The following NUDCD3 variants were observed in gnomAD, a reference collection of about 807,000 sequenced individuals.
NUDCD3 encodes the protein NudC domain containing 3.
A neutral mutation model predicts 39.7 loss-of-function variants in NUDCD3; 13 were observed. The ratio of observed to expected loss-of-function variants is 0.33; its 90% CI spans 0.21 to 0.52. The LOEUF is 0.52. NUDCD3 is among the 20% of genes least tolerant of loss of function. NUDCD3 has a pLI of 0.96. For synonymous variants in NUDCD3, 175 were observed against 172.4 expected (o/e 1.02, Z -0.12); for missense variants, 453 against 458.1 (o/e 0.99, Z 0.10).
intron 3 of NUDCD3, among the ~76,000 whole-genome samples, chr7:44,414,218 G>C (rs867930634): frequency 6.6e-6 from 1 of 152,138 alleles, no homozygotes; most frequent in Non-Finnish European, 1.5e-5. Flanking sequence ...TTAACAAGAG[G>C]GTGGTTTAAT....
intron 3 of NUDCD3, among the ~76,000 whole-genome samples, chr7:44,425,158 G>T (rs2116898521): frequency 6.6e-6 from 1 of 152,240 alleles, no homozygotes. Flanking sequence ...CGGGGGAAAG[G>T]GGAGGGAGAG....
chr7:44,480,466 T>C (rs1437920946), intron 2 of NUDCD3, among the ~76,000 whole-genome samples: 3 of 152,194 alleles, frequency 2.0e-5, no homozygotes, highest in South Asian at 2.1e-4. Flanking sequence ...TTAGACTATA[T>C]AGTTTGAATT....
chr7:44,459,539 AT>A (rs1220943907), intron 2 of NUDCD3, among the ~76,000 whole-genome samples: 2 of 152,212 alleles, frequency 1.3e-5, no homozygotes, highest in Non-Finnish European at 2.9e-5. Flanking sequence ...GAACTAGCAA[AT>A]ATAATTGTTT....
rs142468508 is a variant in NUDCD3, at chr7:44,462,297, T to C, written c.509+22671A>G. ...ACAAACAACATTTCATGAATTGCTA[T>C]GAAATTTTATAGAAGCCTAATTTCC... On this transcript the variant is annotated intron_variant, in intron 2 of 5. Coordinates refer to ENST00000355451, the MANE Select transcript of NUDCD3 (RefSeq NM_015332.4). 3.0e-3 allele frequency among the ~76,000 whole-genome samples: 457 copies of C among 152,350 alleles called. 5 individuals carry two copies. Among genetic ancestry groups the C allele is most frequent in the African/African-American group, 0.01 (424 of 41,564 alleles).
At chr7:44,464,417 C>T (rs1313611323) in intron 2 of NUDCD3, among the ~76,000 whole-genome samples, 1 of 152,008 alleles carries the variant, frequency 6.6e-6, no homozygotes, top group African/African-American at 2.4e-5. Flanking sequence ...AATCATACAC[C>T]CATGTCTCAG....
At chr7:44,392,825 G>A (rs1798545499) in intron 4 of NUDCD3, among the ~76,000 whole-genome samples, 2 of 152,080 alleles carry the variant, frequency 1.3e-5, no homozygotes, top group Admixed American at 1.3e-4. Context: ...CTCTCATGAA[G>A]AAAGGCTATT....
chr7:44,390,534 T>C (rs1271024612), intron 5 of NUDCD3, among the ~76,000 whole-genome samples: 2 of 152,210 alleles, frequency 1.3e-5, no homozygotes, highest in East Asian at 3.9e-4. Context: ...AGTCCCTCCA[T>C]CCTGTGGCAC....
rs1400333878 is a variant in NUDCD3, at chr7:44,490,544, G to A, written c.57C>T (p.His19=). The change falls in exon 1 of 6, where the codon CAC becomes CAT. Residue 19 remains histidine, a synonymous_variant. Coordinates refer to ENST00000355451, the MANE Select transcript of NUDCD3 (RefSeq NM_015332.4). ...YDQALLGILQ[H]VGNVQDFLRV... The stretch of plus-strand genomic sequence containing the variant: ...GCAGGAAATCCTGGACGTTGCCCAC[G>A]TGCTGCAGGATGCCCAAAAGGGCCT... 1.9e-6 allele frequency: 3 copies of A among 1,612,338 alleles called. No individual in the cohort carries two copies. Among genetic ancestry groups the A allele is most frequent in the Admixed American group, 1.7e-5 (1 of 59,902 alleles).
intron 4 of NUDCD3, among the ~76,000 whole-genome samples, chr7:44,398,239 T>C (rs151221652): frequency 8.5e-5 from 13 of 152,322 alleles, no homozygotes; most frequent in Non-Finnish European, 1.5e-4. Context: ...ATGCATCTTA[T>C]TGAAGCAAGC....
At chr7:44,468,379 A>AACTAAGGC in intron 2 of NUDCD3, 1 of 1,177,832 alleles carries the variant, frequency 8.5e-7, no homozygotes, top group Non-Finnish European at 1.2e-6. Flanking sequence ...AAGAAAAGAA[A>AACTAAGGC]ACTAAGGCCC....
In NUDCD3 at chr7:44,381,589, G is replaced by A. The variant is rs1798305440; in HGVS notation, c.*4422C>T. ...AGTCCCTCAGGCCCTGACCAGCTCTGGGGAAGAAGGCCTAGGACTGAGAGA... is the reference window on the plus strand; with the variant it reads ...AGTCCCTCAGGCCCTGACCAGCTCTAGGGAAGAAGGCCTAGGACTGAGAGA... On this transcript the variant is annotated 3_prime_UTR_variant, in exon 6 of 6. Coordinates refer to ENST00000355451, the MANE Select transcript of NUDCD3 (RefSeq NM_015332.4). 2 of 152,030 alleles carry A rather than the reference G, an allele frequency of 1.3e-5. No homozygotes were observed. Among genetic ancestry groups the A allele is most frequent in the African/African-American group, 2.4e-5 (1 of 41,384 alleles). 9.4% of individuals were successfully genotyped at this position (152,030 alleles called of 1,614,324 possible).
rs999898198 is a variant in NUDCD3 at position 44,408,805 on chromosome 7, G to A, written c.643-4222C>T. On this transcript the variant is annotated intron_variant, in intron 3 of 5. Coordinates refer to ENST00000355451, the MANE Select transcript of NUDCD3 (RefSeq NM_015332.4). ...CCACTCTCCAGGCTCTCAGCAGGCCGCATTCCTGGTACAGCGTAGCAGCCA... is the reference window on the plus strand; with the variant it reads ...CCACTCTCCAGGCTCTCAGCAGGCCACATTCCTGGTACAGCGTAGCAGCCA... 2.8e-4 allele frequency among the ~76,000 whole-genome samples: 42 copies of A among 152,096 alleles called. 1 individual carries two copies. Among genetic ancestry groups the A allele is most frequent in the Admixed American group, 2.0e-4 (3 of 15,278 alleles).
intron 3 of NUDCD3, chr7:44,426,092 A>G (rs1799229928): frequency 1.0e-6 from 1 of 983,250 alleles, no homozygotes; most frequent in Non-Finnish European, 1.2e-6. Flanking sequence ...CATCGCTGTG[A>G]CCTGGGTTCT....
At chr7:44,471,538 G>A (rs1216310771) in intron 2 of NUDCD3, among the ~76,000 whole-genome samples, 1 of 152,200 alleles carries the variant, frequency 6.6e-6, no homozygotes, top group African/African-American at 2.4e-5. Context: ...GGGCAAGCAT[G>A]AGTGGCCACA....
intron 2 of NUDCD3, among the ~76,000 whole-genome samples, chr7:44,441,339 T>C (rs1466593302): frequency 6.6e-6 from 1 of 152,230 alleles, no homozygotes; most frequent in African/African-American, 2.4e-5. Flanking sequence ...TAAACTACTT[T>C]GATATGACTA....
At chr7:44,467,854 C>T in intron 2 of NUDCD3, 4 of 1,398,026 alleles carry the variant, frequency 2.9e-6, no homozygotes, top group Non-Finnish European at 4.0e-6. Context: ...CTCTCTTCCT[C>T]GGCGCTGCCT....
At chr7:44,490,216 C>T (rs1046361071) in intron 1 of NUDCD3, 193 bp downstream of exon 1, 24 of 584,080 alleles carry the variant, frequency 4.1e-5, no homozygotes, top group African/African-American at 3.7e-4. Context: ...TCAGGACGTC[C>T]GGAGCGAACA....
chr7:44,436,481 C>A (rs1313852771), intron 2 of NUDCD3, among the ~76,000 whole-genome samples: 1 of 152,184 alleles, frequency 6.6e-6, no homozygotes, highest in Non-Finnish European at 1.5e-5. Flanking sequence ...TATACATATA[C>A]AACTTTAAGA....
chr7:44,443,147 T>C (rs535261861), intron 2 of NUDCD3, among the ~76,000 whole-genome samples: 2 of 152,250 alleles, frequency 1.3e-5, no homozygotes, highest in African/African-American at 4.8e-5. Context: ...ATGGGAGCCC[T>C]ACCTTCTAGA....
Sources: gnomAD v4.1 joint callset for allele counts (sites outside exome capture counted in the v4.1 genomes callset) on GRCh38, gnomAD v4.1.1 for gene constraint, MANE v1.5 for transcripts, NCBI Gene and HGNC (gene_info 2026-07-23, HGNC 2026-07-21) for gene names.